The following SMC1B variants were observed in gnomAD, a reference collection of about 807,000 sequenced individuals.
The protein encoded by SMC1B is structural maintenance of chromosomes protein 1B.
SMC1B carries 60 observed loss-of-function variants against 157.9 expected under a neutral mutation model. The observed-to-expected ratio is 0.38, with a 90% CI of 0.31 to 0.47. The LOEUF is 0.47. Ranked by LOEUF, SMC1B falls within the 20% of genes least tolerant of loss-of-function variation. The probability of loss-of-function intolerance (pLI) is 0.99; values close to 1 mark genes in which losing one functional copy is unlikely to be tolerated. For synonymous variants in SMC1B, 445 were observed against 483.0 expected, an observed-to-expected ratio of 0.92 and a Z score of 1.03; for missense variants, 1,165 against 1,426.2, an observed-to-expected ratio of 0.82 and a Z score of 2.95.
intron 7 of SMC1B, 89 bp from the exon 8 acceptor site, chr22:45,394,856 T>C (rs1461081505): frequency 2.4e-6 from 3 of 1,224,744 alleles, no homozygotes; most frequent in Non-Finnish European, 3.1e-6. Flanking sequence ...TATTATAAGC[T>C]GTTATAAAAT....
chr22:45,390,585 G>A (rs1437308475), intron 9 of SMC1B, among the ~76,000 whole-genome samples: 1 of 152,072 alleles, frequency 6.6e-6, no homozygotes, highest in Non-Finnish European at 1.5e-5. Flanking sequence ...CACGCCTGCA[G>A]TTCCAGCTGC....
chr22:45,370,594 A>T (rs991612565), intron 14 of SMC1B, among the ~76,000 whole-genome samples: 4 of 152,232 alleles, frequency 2.6e-5, no homozygotes, highest in African/African-American at 9.6e-5. Context: ...GGACATTTTT[A>T]AAAACTTTCA....
intron 22 of SMC1B, among the ~76,000 whole-genome samples, chr22:45,351,410 A>T (rs1000917907): frequency 5.3e-5 from 8 of 152,124 alleles, no homozygotes; most frequent in Non-Finnish European, 7.4e-5. Flanking sequence ...TCCAGCTTTT[A>T]TGGTTTTCTC....
chr22:45,393,787 T>C lies in SMC1B; in HGVS notation c.1392A>G (p.Glu464=), dbSNP rs746491698. 24 of 1,613,692 alleles carry C rather than the reference T, an allele frequency of 1.5e-5. 1 individual carries two copies. The South Asian group carries it at 2.6e-4, about 18-fold the overall frequency. Residue 464 remains glutamate (E), a synonymous_variant, in exon 9 of 25, where the codon GAA becomes GAG. Transcript: ENST00000357450. ...CTTCAGACATTCTTGATTTTGTTTT[T>C]TCAATTTCATCCACTAGGGTTTCCT... is the stretch of plus-strand genomic sequence containing the variant. ...QQEETLVDEI[E]KTKSRMSEVN...
intron 15 of SMC1B, among the ~76,000 whole-genome samples, chr22:45,366,305 T>A (rs1243812535): frequency 6.6e-6 from 1 of 152,170 alleles, no homozygotes; most frequent in Non-Finnish European, 1.5e-5. Context: ...ATTACAGGTG[T>A]CAGCTACCAT....
rs2087266237 is a variant in SMC1B at position 45,406,798 on chromosome 22, T to C, written c.366A>G (p.Glu122=). The C allele has an allele frequency of 3.1e-6, 5 of 1,598,942 alleles. No homozygotes were observed. Among genetic ancestry groups the C allele is most frequent in the Non-Finnish European group, 4.3e-6 (5 of 1,176,406 alleles). The change falls in exon 3 of 25, where the codon GAA becomes GAG. Residue 122 remains glutamate, a synonymous_variant. Transcript: ENST00000357450. The stretch of plus-strand genomic sequence containing the variant: ...GTGCTTTGACTATTATGCCTATCTT[T>C]TCCAACTCTGCAATGTAAACAGAAC... The part of the protein sequence containing the change: ...VSRSVYIAEL[E]KIGIIVKAQN...
chr22:45,383,403 C>G (rs753224135), intron 12 of SMC1B, 64 bp downstream of exon 12: 2 of 1,265,642 alleles, frequency 1.6e-6, no homozygotes, highest in Admixed American at 5.5e-5. Flanking sequence ...TATAAAAAAC[C>G]CACCTAGTTT....
intron 12 of SMC1B, among the ~76,000 whole-genome samples, chr22:45,374,090 GTTTTTTT>G (rs35971057): frequency 1.6e-4 from 14 of 85,506 alleles, no homozygotes; most frequent in Middle Eastern, 0.011. Context: ...AACAAAGACG[GTTTTTTT>G]TTTTTTTTTT....
intron 19 of SMC1B, among the ~76,000 whole-genome samples, chr22:45,357,916 G>C (rs1273590295): frequency 6.6e-6 from 1 of 152,196 alleles, no homozygotes; most frequent in Non-Finnish European, 1.5e-5. Context: ...ACTATTGCAA[G>C]AGGAACCAAC....
chr22:45,398,697 C>T (rs539318324), intron 6 of SMC1B, among the ~76,000 whole-genome samples: 3 of 152,168 alleles, frequency 2.0e-5, no homozygotes, highest in Middle Eastern at 3.4e-3. Flanking sequence ...GGCATGGTGG[C>T]GCATGCCTGT....
In SMC1B at chr22:45,406,478, T is replaced by C; in HGVS notation, c.597A>G (p.Ala199=). The C allele has an allele frequency of 6.2e-7, 1 of 1,608,754 alleles. No individual in the cohort carries two copies. Among genetic ancestry groups the C allele is most frequent in the East Asian group, 2.2e-5 (1 of 44,822 alleles). The part of the protein sequence containing the change: ...KKNIAAERRQ[A]KLEKEEAERY... Reference sequence around the variant, plus strand: ...ATCTTACCTCTTCCTTCTCTAATTTTGCTTGTCTGCGCTCTGCCGCTATAT... The same window carrying C: ...ATCTTACCTCTTCCTTCTCTAATTTCGCTTGTCTGCGCTCTGCCGCTATAT... Residue 199 remains alanine (A), a synonymous_variant, in exon 4 of 25, where the codon GCA becomes GCG. Transcript: ENST00000357450.
At chr22:45,367,720 C>T (rs774732592) in intron 15 of SMC1B, among the ~76,000 whole-genome samples, 3 of 152,240 alleles carry the variant, frequency 2.0e-5, no homozygotes, top group Non-Finnish European at 2.9e-5. Flanking sequence ...CTTGATCTCA[C>T]TCTTTCCAGG....
chr22:45,408,805 G>A lies in SMC1B; in HGVS notation c.203C>T (p.Ala68Val), dbSNP rs1387558107. The A allele has an allele frequency of 1.9e-6, 3 of 1,578,362 alleles. No individual in the cohort carries two copies. The highest frequency in any genetic ancestry group is 3.9e-5 in the Admixed American group (2 of 51,462). ...AGAAGAAATAGGTTTTCCAATATGTGCTCCATGAATGAGTTCTTGAATATT... is the reference window on the plus strand; with the variant it reads ...AGAAGAAATAGGTTTTCCAATATGTACTCCATGAATGAGTTCTTGAATATT... ...VKNIQELIHG[A>V]HIGKPISSSA... Residue 68 changes from alanine to valine, a missense_variant, in exon 2 of 25, where the codon GCA (alanine) becomes GTA (valine). Coordinates refer to ENST00000357450, the MANE Select transcript of SMC1B (RefSeq NM_148674.5).
chr22:45,400,288 G>C (rs78947992), intron 5 of SMC1B, among the ~76,000 whole-genome samples: 16,803 of 151,932 alleles, frequency 0.11, 1,324 homozygotes, highest in Non-Finnish European at 0.17. Flanking sequence ...TGCTTGGACT[G>C]GCTTATACAA....
intron 23 of SMC1B, among the ~76,000 whole-genome samples, chr22:45,347,358 C>G (rs2086562784): frequency 1.3e-5 from 2 of 152,164 alleles, no homozygotes; most frequent in African/African-American, 4.8e-5. Context: ...GCAGGGCCTT[C>G]AAGAGATTTT....
chr22:45,413,490 C>T lies in SMC1B; in HGVS notation c.78G>A (p.Arg26=). Reference sequence around the variant, plus strand: ...CGTTGGGGCCGATGATGCAGGTGAACCTCCGGAAGGGGCCAATGACCTGGC... The same window carrying T: ...CGTTGGGGCCGATGATGCAGGTGAATCTCCGGAAGGGGCCAATGACCTGGC... ...RGRQVIGPFR[R]FTCIIGPNGS... The change falls in exon 1 of 25, where the codon AGG becomes AGA. Residue 26 remains arginine (R), a synonymous_variant. Transcript: ENST00000357450. 6.2e-7 allele frequency: 1 copy of T among 1,610,416 alleles called. No individual in the cohort carries two copies. The highest frequency in any genetic ancestry group is 2.2e-5 in the East Asian group (1 of 44,690).
At position 45,413,411 on chromosome 22, in the gene SMC1B, C is replaced by T. The variant is rs573653542; in HGVS notation, c.109+48G>A. ...CCACAGGCCACGTGTGGCCTGGACGCCTGGGACGGCGGAGGCGCTCCGGTG... is the reference window on the plus strand; with the variant it reads ...CCACAGGCCACGTGTGGCCTGGACGTCTGGGACGGCGGAGGCGCTCCGGTG... On this transcript the variant is annotated intron_variant, in intron 1 of 24. Transcript: ENST00000357450. The T allele has an allele frequency of 1.6e-5, 24 of 1,464,052 alleles. No individual in the cohort carries two copies. In the South Asian group the frequency reaches 2.5e-4, roughly 16 times the overall value. The allele number at this position is 1,464,052 out of a possible 1,614,324, so 90.7% of individuals were successfully genotyped here.
At chr22:45,371,904 C>T (rs954101806) in intron 13 of SMC1B, among the ~76,000 whole-genome samples, 1 of 151,860 alleles carries the variant, frequency 6.6e-6, no homozygotes, top group Admixed American at 6.6e-5. Flanking sequence ...TAAAAAAATA[C>T]AAAAATTACA....
Position 45,362,755 on chromosome 22 carries a change from T to G in SMC1B, c.2562+130A>C, listed in dbSNP as rs868488586. On this transcript the variant is annotated intron_variant, in intron 16 of 24. Coordinates refer to ENST00000357450, the MANE Select transcript of SMC1B (RefSeq NM_148674.5). ...TTCATAAAGCTCTGCTGATTTTACT[T>G]TAAGTATTTCTTAAATCTGTCCCCA... The G allele has an allele frequency of 1.8e-4, 129 of 734,362 alleles. No homozygotes were observed. The Middle Eastern group carries it at 5.0e-3, about 28-fold the overall frequency. The allele number at this position is 734,362 out of a possible 1,614,324, so 45.5% of individuals were successfully genotyped here. A position where few individuals can be genotyped will look rare whatever the true frequency, so the allele number is the denominator to read the frequency against.
Sources: allele counts gnomAD v4.1 joint callset (sites outside exome capture counted in the v4.1 genomes callset), GRCh38; gene constraint gnomAD v4.1.1; transcripts MANE v1.5; gene names NCBI Gene and HGNC (gene_info 2026-07-23, HGNC 2026-07-21).